The following GABRB1 variants were observed in gnomAD, a reference collection of about 807,000 sequenced individuals.
The protein encoded by GABRB1 is gamma-aminobutyric acid type A receptor subunit beta1.
Under a neutral mutation model 51.6 loss-of-function variants are expected in GABRB1, and 17 were observed. That is an observed-to-expected ratio of 0.33 (90% CI 0.23 to 0.49). The LOEUF (loss-of-function observed/expected upper bound fraction) is 0.49, where lower values mean the gene tolerates loss of function less well. Ranked by LOEUF, GABRB1 falls within the 20% of genes least tolerant of loss-of-function variation. The pLI is 0.99. For synonymous variants in GABRB1, 247 were observed against 218.9 expected (o/e 1.13, Z -1.14); for missense variants, 410 against 600.6 (o/e 0.68, Z 3.32).
At chr4:47,339,787 G>C (rs1725817817) in intron 5 of GABRB1, among the ~76,000 whole-genome samples, 1 of 146,220 alleles carries the variant, frequency 6.8e-6, no homozygotes, top group African/African-American at 2.5e-5. Context: ...TTACCCTGTT[G>C]AACAGGTTGT....
intron 8 of GABRB1, among the ~76,000 whole-genome samples, chr4:47,416,543 C>T (rs1443446025): frequency 1.3e-5 from 2 of 151,742 alleles, no homozygotes; most frequent in East Asian, 1.9e-4. Flanking sequence ...CTCTGCCTCC[C>T]GGGTTCAAAC....
chr4:47,135,830 A>G (rs761743999), intron 3 of GABRB1, among the ~76,000 whole-genome samples: 4 of 152,142 alleles, frequency 2.6e-5, no homozygotes, highest in Admixed American at 2.0e-4. Flanking sequence ...TAATACAGAC[A>G]TATTTACTAT....
At chr4:47,143,397 G>A (rs149389664) in intron 3 of GABRB1, among the ~76,000 whole-genome samples, 108 of 151,606 alleles carry the variant, frequency 7.1e-4, no homozygotes, top group Non-Finnish European at 1.2e-3. Flanking sequence ...AGGACATTCC[G>A]TCCCAAAATG....
intron 5 of GABRB1, among the ~76,000 whole-genome samples, chr4:47,371,091 A>G (rs58596724): frequency 0.56 from 68,353 of 121,098 alleles, 18,185 homozygotes; most frequent in African/African-American, 0.61. Flanking sequence ...TCCCTCCCCC[A>G]CCCCCACCCT....
intron 4 of GABRB1, among the ~76,000 whole-genome samples, chr4:47,261,356 A>T (rs1323914840): frequency 6.6e-6 from 1 of 152,232 alleles, no homozygotes; most frequent in East Asian, 1.9e-4. Flanking sequence ...AAGTCTCAGG[A>T]TATCAATGTA....
chr4:47,164,418 A>G (rs1315277254), intron 4 of GABRB1, among the ~76,000 whole-genome samples: 1 of 152,102 alleles, frequency 6.6e-6, no homozygotes, highest in Non-Finnish European at 1.5e-5. Context: ...TATCCTTATC[A>G]TATAACATAT....
chr4:47,135,732 A>G (rs922348360), intron 3 of GABRB1, among the ~76,000 whole-genome samples: 2 of 152,074 alleles, frequency 1.3e-5, no homozygotes, highest in African/African-American at 2.4e-5. Context: ...TGTCAGAGTG[A>G]TCTTTATAAA....
intron 1 of GABRB1, among the ~76,000 whole-genome samples, chr4:46,996,722 T>A (rs904985071): frequency 6.6e-6 from 1 of 152,206 alleles, no homozygotes; most frequent in East Asian, 1.9e-4. Flanking sequence ...TTCTATAGAC[T>A]GTCATGTAGA....
chr4:47,192,022 G>C (rs889915362), intron 4 of GABRB1, among the ~76,000 whole-genome samples: 1 of 151,794 alleles, frequency 6.6e-6, no homozygotes, highest in Admixed American at 6.6e-5. Flanking sequence ...AAATAGACTC[G>C]TACAATTACC....
At chr4:47,354,887 T>C (rs2110002782) in intron 5 of GABRB1, among the ~76,000 whole-genome samples, 1 of 149,396 alleles carries the variant, frequency 6.7e-6, no homozygotes, top group Admixed American at 6.7e-5. Flanking sequence ...GACCCCCTGC[T>C]TTTGAAGGCC....
At chr4:47,020,166 G>C (rs1296082865) in intron 1 of GABRB1, among the ~76,000 whole-genome samples, 1 of 151,926 alleles carries the variant, frequency 6.6e-6, no homozygotes, top group Non-Finnish European at 1.5e-5. Context: ...CCTTTCCACT[G>C]TGCATGAGCA....
chr4:47,049,319 ATTCTCTAATGGG>A (rs1411238714), intron 3 of GABRB1, among the ~76,000 whole-genome samples: 2 of 152,142 alleles, frequency 1.3e-5, no homozygotes, highest in Admixed American at 6.6e-5. Context: ...CCATTCCAGG[ATTCTCTAATGGG>A]GCCGTACGTC....
intron 4 of GABRB1, among the ~76,000 whole-genome samples, chr4:47,246,329 CATATGTACATATATATAT>C (rs1721745108): frequency 2.8e-4 from 8 of 29,036 alleles, no homozygotes; most frequent in Non-Finnish European, 4.7e-4. Context: ...CACACACACA[CATATGTACATATATATAT>C]ATATATATAT....
intron 1 of GABRB1, among the ~76,000 whole-genome samples, chr4:47,001,222 A>C (rs1013651771): frequency 1.1e-4 from 17 of 152,112 alleles, no homozygotes; most frequent in Non-Finnish European, 2.4e-4. Flanking sequence ...GGCTCACTGC[A>C]AGCTCCGCCT....
rs148310195 is a variant in GABRB1 at position 47,151,341 on chromosome 4, G to T, written c.241-9908G>T. On this transcript the variant is annotated intron_variant, in intron 3 of 8. Coordinates refer to ENST00000295454, the MANE Select transcript of GABRB1 (RefSeq NM_000812.4). ...ATTCCTATAGATTTCTCCCTTTTAAGCTCTGTACTTATTACAAAATCACAA... is the reference window on the plus strand; with the variant it reads ...ATTCCTATAGATTTCTCCCTTTTAATCTCTGTACTTATTACAAAATCACAA... Among the ~76,000 whole-genome samples, 1,068 of 152,062 alleles carry T rather than the reference G, an allele frequency of 7.0e-3. 7 individuals carry two copies. Among genetic ancestry groups the T allele is most frequent in the Middle Eastern group, 0.031 (9 of 294 alleles).
intron 5 of GABRB1, among the ~76,000 whole-genome samples, chr4:47,371,987 G>A (rs1182070317): frequency 1.3e-5 from 2 of 152,122 alleles, no homozygotes. Flanking sequence ...ATTGCTTTTG[G>A]TGTTTTTATT....
At position 47,312,037 on chromosome 4, in the gene GABRB1, TTGTG is replaced by T. The variant is rs36206411; in HGVS notation, c.462-8059_462-8056del. On this transcript the variant is annotated intron_variant, in intron 4 of 8. Transcript: ENST00000295454. ...TAAAAATAAAACATTTACCCAAGGCTTGTGTGTGTGTGTGTGTGTGTGTGTGTGT... is the reference window on the plus strand; with the variant it reads ...TAAAAATAAAACATTTACCCAAGGCTTGTGTGTGTGTGTGTGTGTGTGTGT... 8.3e-3 allele frequency among the ~76,000 whole-genome samples: 1,171 copies of T among 140,858 alleles called. 10 individuals are homozygous for T. Among genetic ancestry groups the T allele is most frequent in the African/African-American group, 0.027 (1,069 of 40,234 alleles). 92.4% of individuals were successfully genotyped at this position (140,858 alleles called of 152,430 possible).
chr4:47,100,038 T>C (rs1714652586), intron 3 of GABRB1, among the ~76,000 whole-genome samples: 1 of 152,048 alleles, frequency 6.6e-6, no homozygotes, highest in African/African-American at 2.4e-5. Flanking sequence ...GTGTATTTAC[T>C]TAATTTTTTA....
chr4:47,005,908 T>C (rs943324638), intron 1 of GABRB1, among the ~76,000 whole-genome samples: 1 of 149,550 alleles, frequency 6.7e-6, no homozygotes, highest in Admixed American at 6.7e-5. Context: ...AAATGTCTTC[T>C]TTCCTCCCTT....
Sources: allele counts gnomAD v4.1 joint callset (sites outside exome capture counted in the v4.1 genomes callset), GRCh38; gene constraint gnomAD v4.1.1; transcripts MANE v1.5; gene names NCBI Gene and HGNC (gene_info 2026-07-23, HGNC 2026-07-21).